CFAP20DC: variants seen among roughly 807,000 people sequenced by gnomAD.
CFAP20DC encodes the protein CFAP20 domain containing.
CFAP20DC carries 84 observed loss-of-function variants against 101.7 expected under a neutral mutation model. That is an observed-to-expected ratio of 0.83 (90% confidence interval 0.69 to 0.99). The LOEUF is 0.99. CFAP20DC is among the 50% of genes least tolerant of loss of function. CFAP20DC has a pLI of 0.00. For missense variants in CFAP20DC, 1,007 were observed against 970.3 expected (o/e 1.04, Z -0.50); for synonymous variants, 359 against 351.2 (o/e 1.02, Z -0.25).
At chr3:59,035,240 G>A (rs1476374566) in intron 4 of CFAP20DC, among the ~76,000 whole-genome samples, 2 of 152,044 alleles carry the variant, frequency 1.3e-5, no homozygotes, top group Non-Finnish European at 2.9e-5. Context: ...TCAGAAAGCG[G>A]GAAAGATCTA....
At chr3:58,946,776 T>C (rs879858893) in intron 4 of CFAP20DC, among the ~76,000 whole-genome samples, 1 of 152,148 alleles carries the variant, frequency 6.6e-6, no homozygotes, top group Non-Finnish European at 1.5e-5. Flanking sequence ...AGTTTTAATA[T>C]GAGACATCAA....
At chr3:58,750,085 A>C (rs927588523) in intron 16 of CFAP20DC, among the ~76,000 whole-genome samples, 18 of 152,164 alleles carry the variant, frequency 1.2e-4, no homozygotes, top group Non-Finnish European at 2.2e-4. Flanking sequence ...GGCTGTTCAC[A>C]TGAATGTGGC....
At chr3:58,842,904 C>G (rs543619039) in intron 13 of CFAP20DC, among the ~76,000 whole-genome samples, 10 of 152,332 alleles carry the variant, frequency 6.6e-5, no homozygotes, top group African/African-American at 1.9e-4. Flanking sequence ...CAGGGGCACA[C>G]TGACACCTCA....
chr3:58,870,631 G>T (rs2080095429), intron 7 of CFAP20DC, among the ~76,000 whole-genome samples: 1 of 150,808 alleles, frequency 6.6e-6, no homozygotes, highest in African/African-American at 2.4e-5. Context: ...GCTCACGCCT[G>T]TAATCCCAGC....
chr3:58,945,325 G>C (rs1345637727), intron 4 of CFAP20DC, among the ~76,000 whole-genome samples: 3 of 152,142 alleles, frequency 2.0e-5, no homozygotes, highest in Non-Finnish European at 4.4e-5. Context: ...CTGGGAACAA[G>C]ATATTTAATA....
At chr3:58,791,136 A>T (rs2072813189) in intron 15 of CFAP20DC, among the ~76,000 whole-genome samples, 1 of 152,124 alleles carries the variant, frequency 6.6e-6, no homozygotes, top group African/African-American at 2.4e-5. Context: ...ATGCTGGGTT[A>T]AATCATCTCC....
At chr3:58,860,395 T>C (rs2079152968) in intron 12 of CFAP20DC, among the ~76,000 whole-genome samples, 1 of 152,190 alleles carries the variant, frequency 6.6e-6, no homozygotes. Flanking sequence ...TTTGTATATT[T>C]ATCCTTTGCA....
At chr3:58,773,403 G>A (rs28655257) in intron 15 of CFAP20DC, among the ~76,000 whole-genome samples, 1 of 145,700 alleles carries the variant, frequency 6.9e-6, no homozygotes, top group Non-Finnish European at 1.5e-5. Context: ...AAAAAAAAAA[G>A]AAAAAGAAAA....
At position 58,899,100 on chromosome 3, in the gene CFAP20DC, G is replaced by A. The variant is rs1288560561; in HGVS notation, c.551-14391C>T. ...CCAGGGGGGTACTGACCTGTTGCCA[G>A]CCTGAACTGCACCTGTAGGAGGAGG... On this transcript the variant is annotated intron_variant, in intron 6 of 16. Coordinates refer to ENST00000482387, the MANE Select transcript of CFAP20DC (RefSeq NM_001394063.1). The surrounding 1 kb of genome is among the most constrained non-coding windows in gnomAD (Gnocchi z 5.0). 6.6e-6 allele frequency among the ~76,000 whole-genome samples: 1 copy of A among 152,188 alleles called. No individual in the cohort carries two copies. Among genetic ancestry groups the A allele is most frequent in the Non-Finnish European group, 1.5e-5 (1 of 68,038 alleles).
Position 58,935,027 on chromosome 3 carries a change from T to C in CFAP20DC, c.393+2621A>G, listed in dbSNP as rs369450500. On this transcript the variant is annotated intron_variant, in intron 5 of 16. Coordinates refer to ENST00000482387, the MANE Select transcript of CFAP20DC (RefSeq NM_001394063.1). ...ATGATTGTATATCTAGAAAACCCCA[T>C]TGTCTCAGCCCAAAATCTCCTTAAG... 2.9e-4 allele frequency among the ~76,000 whole-genome samples: 44 copies of C among 152,254 alleles called. No individual in the cohort carries two copies. The East Asian group carries it at 5.0e-3, about 17-fold the overall frequency.
chr3:58,969,809 C>T (rs1453331712), intron 4 of CFAP20DC, among the ~76,000 whole-genome samples: 1 of 152,082 alleles, frequency 6.6e-6, no homozygotes, highest in African/African-American at 2.4e-5. Flanking sequence ...GTTCCACTTA[C>T]ATGAAGTATT....
At chr3:58,833,149 CATT>C (rs1482356972) in intron 13 of CFAP20DC, among the ~76,000 whole-genome samples, 2 of 152,048 alleles carry the variant, frequency 1.3e-5, no homozygotes, top group African/African-American at 4.8e-5. Context: ...TATAATAAAA[CATT>C]ATTATCTTCA....
Position 59,014,482 on chromosome 3 carries a change from G to A in CFAP20DC, c.278+25075C>T, listed in dbSNP as rs2093649963. ...TGTTGTCAATTCATAGGGATATCAA[G>A]CTCAGACTCACAAGTAAAAAGAGGG... is the stretch of plus-strand genomic sequence containing the variant. On this transcript the variant is annotated intron_variant, in intron 4 of 16. Coordinates refer to ENST00000482387, the MANE Select transcript of CFAP20DC (RefSeq NM_001394063.1). This position sits in a 1 kb window ranked among gnomAD's most constrained non-coding sequence, Gnocchi z 4.9. Among the ~76,000 whole-genome samples, 1 of 152,086 alleles carries A rather than the reference G, an allele frequency of 6.6e-6. No individual in the cohort carries two copies. Among genetic ancestry groups the A allele is most frequent in the Non-Finnish European group, 1.5e-5 (1 of 68,012 alleles).
intron 15 of CFAP20DC, among the ~76,000 whole-genome samples, chr3:58,784,647 T>C (rs547401654): frequency 5.3e-5 from 8 of 152,228 alleles, no homozygotes; most frequent in African/African-American, 1.9e-4. Flanking sequence ...TGTGTCTTTT[T>C]GGAAGAATGG....
At chr3:58,854,414 G>A (rs1160128283) in intron 12 of CFAP20DC, among the ~76,000 whole-genome samples, 1 of 151,000 alleles carries the variant, frequency 6.6e-6, no homozygotes, top group Non-Finnish European at 1.5e-5. Context: ...TACTGCCCAA[G>A]GTAATTTACA....
At chr3:58,725,201 G>C (rs2067532068) in intron 3 of CFAP20DC, among the ~76,000 whole-genome samples, 1 of 152,074 alleles carries the variant, frequency 6.6e-6, no homozygotes, top group East Asian at 1.9e-4. Flanking sequence ...GCAGATCAGT[G>C]AAAGTTCCTT....
At chr3:58,734,115 G>A (rs1575520224) in intron 3 of CFAP20DC, among the ~76,000 whole-genome samples, 1 of 152,062 alleles carries the variant, frequency 6.6e-6, no homozygotes, top group Non-Finnish European at 1.5e-5. Flanking sequence ...AAAGTGTGTA[G>A]CACATCCACA....
intron 4 of CFAP20DC, among the ~76,000 whole-genome samples, chr3:59,037,370 G>A (rs1384178259): frequency 6.6e-6 from 1 of 151,488 alleles, no homozygotes; most frequent in East Asian, 1.9e-4. Flanking sequence ...GAAAATTTTT[G>A]CAATCTACCC....
At chr3:58,895,381 T>C (rs984242198) in intron 6 of CFAP20DC, among the ~76,000 whole-genome samples, 1 of 152,152 alleles carries the variant, frequency 6.6e-6, no homozygotes. Context: ...CCCTAAATCA[T>C]CCCTCTCAAG....
Sources: gnomAD v4.1 joint callset for allele counts (sites outside exome capture counted in the v4.1 genomes callset) on GRCh38, gnomAD v4.1.1 for gene constraint, Gnocchi (gnomAD v3.1) non-coding constraint, MANE v1.5 for transcripts, NCBI Gene and HGNC (gene_info 2026-07-23, HGNC 2026-07-21) for gene names.